CLCN3: variants seen among roughly 807,000 people sequenced by gnomAD.
CLCN3 encodes Cl-/H+ antiporter 3.
In CLCN3, 16 loss-of-function variants were observed where a neutral mutation model predicts 83.4. The observed-to-expected ratio is 0.19, with a 90% CI of 0.13 to 0.29. The LOEUF (loss-of-function observed/expected upper bound fraction) is 0.29, where lower values mean the gene tolerates loss of function less well. CLCN3 is among the 10% of genes least tolerant of loss of function. The pLI, the probability that CLCN3 is intolerant of heterozygous loss-of-function variation, is 1.00. For synonymous variants in CLCN3, 322 were observed against 346.2 expected, an observed-to-expected ratio of 0.93 and a Z score of 0.78; for missense variants, 544 against 1,006.0, an observed-to-expected ratio of 0.54 and a Z score of 6.21.
intron 2 of CLCN3, among the ~76,000 whole-genome samples, chr4:169,646,154 CTTACAAAT>C (rs982325239): frequency 6.6e-6 from 1 of 152,132 alleles, no homozygotes; most frequent in African/African-American, 2.4e-5. Flanking sequence ...ATCCTTCCTT[CTTACAAAT>C]GTCTAATATA....
intron 2 of CLCN3, among the ~76,000 whole-genome samples, chr4:169,649,332 G>C (rs955472657): frequency 1.3e-5 from 2 of 152,216 alleles, no homozygotes; most frequent in Admixed American, 6.5e-5. Context: ...TTCCCCAAGA[G>C]TGGTGGGAAA....
At position 169,635,952 on chromosome 4, in the gene CLCN3, T is replaced by C. The variant is rs1041886056; in HGVS notation, c.24T>C (p.His8=). The change falls in exon 2 of 13, where the codon CAT becomes CAC. Residue 8 remains histidine (H), a synonymous_variant. Transcript: ENST00000513761. The part of the protein sequence containing the change: MESEQLF[H]RGYYRNSYNS... ...AAATGGAGTCTGAGCAGCTGTTCCA[T>C]AGAGGCTACTATAGAAACAGCTACA... The C allele has an allele frequency of 1.0e-5, 16 of 1,606,984 alleles. No homozygotes were observed. The highest frequency in any genetic ancestry group is 1.2e-5 in the Non-Finnish European group (14 of 1,176,520).
At chr4:169,712,668 C>T (rs1733267704) in intron 11 of CLCN3, among the ~76,000 whole-genome samples, 1 of 152,170 alleles carries the variant, frequency 6.6e-6, no homozygotes, top group South Asian at 2.1e-4. Flanking sequence ...ACCTCCAGTG[C>T]AGAATAAGTA....
intron 2 of CLCN3, among the ~76,000 whole-genome samples, chr4:169,668,042 C>CTTTTT (rs780656327): frequency 5.3e-5 from 5 of 93,628 alleles, no homozygotes; most frequent in African/African-American, 2.2e-4. Context: ...CCCGGCCAGA[C>CTTTTT]ATTTTTTTTT....
chr4:169,691,311 G>A (rs188336226), intron 6 of CLCN3, among the ~76,000 whole-genome samples: 14 of 152,030 alleles, frequency 9.2e-5, no homozygotes, highest in East Asian at 3.9e-4. Context: ...GCCACCACAC[G>A]TGGCTATGAC....
At chr4:169,687,828 A>AG in intron 4 of CLCN3, 71 bp downstream of exon 4, 1 of 778,718 alleles carries the variant, frequency 1.3e-6, no homozygotes, top group African/African-American at 1.8e-5. Context: ...TCCTTCCCTC[A>AG]ATTTTTTTTC....
At chr4:169,635,112 T>C (rs1773470950) in intron 1 of CLCN3, among the ~76,000 whole-genome samples, 1 of 152,154 alleles carries the variant, frequency 6.6e-6, no homozygotes, top group South Asian at 2.1e-4. Flanking sequence ...TCATCTGTCA[T>C]TTTCTGTGTG....
intron 1 of CLCN3, among the ~76,000 whole-genome samples, chr4:169,623,193 CTATT>C (rs1436664810): frequency 1.3e-5 from 2 of 152,088 alleles, no homozygotes; most frequent in African/African-American, 4.8e-5. Flanking sequence ...ATCATGAAGA[CTATT>C]TAGTTTTCAA....
At chr4:169,690,020 G>A (rs910363194) in intron 5 of CLCN3, among the ~76,000 whole-genome samples, 3 of 151,964 alleles carry the variant, frequency 2.0e-5, no homozygotes, top group African/African-American at 7.3e-5. Context: ...GGGTTCCTTG[G>A]TATATGTAGG....
intron 2 of CLCN3, among the ~76,000 whole-genome samples, chr4:169,649,754 A>T (rs1332822461): frequency 1.3e-5 from 2 of 152,210 alleles, no homozygotes; most frequent in Non-Finnish European, 2.9e-5. Flanking sequence ...GAAATAAAAC[A>T]TCTGTTAATG....
chr4:169,661,971 C>T (rs1052902364), intron 2 of CLCN3, among the ~76,000 whole-genome samples: 4 of 152,100 alleles, frequency 2.6e-5, no homozygotes, highest in African/African-American at 9.7e-5. Flanking sequence ...GTATTTTCCT[C>T]ATGCTATTAC....
intron 11 of CLCN3, 66 bp downstream of exon 11, chr4:169,707,332 G>A: frequency 8.0e-7 from 1 of 1,252,380 alleles, no homozygotes; most frequent in East Asian, 2.3e-5. Context: ...AAAGCAATAA[G>A]CAGTAACATT....
intron 10 of CLCN3, 150 bp downstream of exon 10, chr4:169,704,334 G>A: frequency 1.5e-6 from 1 of 647,634 alleles, no homozygotes; most frequent in South Asian, 1.9e-5. Context: ...AGAAACAGTA[G>A]TACTATTAGG....
chr4:169,637,978 C>T (rs1730277728), intron 2 of CLCN3, among the ~76,000 whole-genome samples: 1 of 152,096 alleles, frequency 6.6e-6, no homozygotes, highest in East Asian at 1.9e-4. Context: ...TGCCAATGCC[C>T]AGGATATATA....
At chr4:169,623,102 A>G (rs531785536) in intron 1 of CLCN3, among the ~76,000 whole-genome samples, 6 of 152,316 alleles carry the variant, frequency 3.9e-5, no homozygotes, top group Admixed American at 3.9e-4. Context: ...TTGATCTGCA[A>G]CTTTGACTGG....
At chr4:169,708,663 A>C (rs1733082054) in intron 11 of CLCN3, among the ~76,000 whole-genome samples, 1 of 152,206 alleles carries the variant, frequency 6.6e-6, no homozygotes, top group Non-Finnish European at 1.5e-5. Context: ...GCATGTTTTT[A>C]AAGTGTGGAA....
chr4:169,694,367 A>G (rs1424582234), intron 7 of CLCN3, among the ~76,000 whole-genome samples: 2 of 152,202 alleles, frequency 1.3e-5, no homozygotes, highest in East Asian at 3.8e-4. Context: ...CCATACAGCT[A>G]GTAAGTAGCA....
At chr4:169,631,226 C>T (rs1312855460) in intron 1 of CLCN3, among the ~76,000 whole-genome samples, 2 of 152,088 alleles carry the variant, frequency 1.3e-5, no homozygotes, top group Non-Finnish European at 2.9e-5. Flanking sequence ...TTTTCATCTG[C>T]TTGTTGGACA....
At position 169,719,914 on chromosome 4, in the gene CLCN3, C is replaced by G; in HGVS notation, c.2374C>G (p.Leu792Val). 1 of 1,610,204 alleles carries G rather than the reference C, an allele frequency of 6.2e-7. No homozygotes were observed. The highest frequency in any genetic ancestry group is 8.5e-7 in the Non-Finnish European group (1 of 1,178,942). The change falls in exon 13 of 13, where the codon CTT becomes GTT. Residue 792 changes from leucine (L) to valine (V), a missense_variant. Leu to Val is a conservative substitution (Grantham distance 32). Coordinates refer to ENST00000513761, the MANE Select transcript of CLCN3 (RefSeq NM_001829.4). The part of the protein sequence containing the change: ...QCLVTHNGRL[L>V]GIITKKDILR... ...TCTGTTTATTCCTTTCAGGCGCCTC[C>G]TTGGCATTATAACAAAAAAAGATAT...
Sources: allele counts gnomAD v4.1 joint callset (sites outside exome capture counted in the v4.1 genomes callset), GRCh38; gene constraint gnomAD v4.1.1; transcripts MANE v1.5; gene names NCBI Gene and HGNC (gene_info 2026-07-23, HGNC 2026-07-21).